ZNF90: variants seen among roughly 807,000 people sequenced by gnomAD.
ZNF90 encodes the protein zinc finger protein 90, also known as zinc finger protein HTF9.
In ZNF90, 11 loss-of-function variants were observed where a neutral mutation model predicts 12.0. The observed-to-expected ratio is 0.92, with a 90% confidence interval of 0.58 to 1.52. The LOEUF is 1.52. ZNF90 is among the 40% of genes most tolerant of loss of function. The pLI is 0.00. For synonymous variants in ZNF90, 232 were observed against 240.1 expected (o/e 0.97, Z 0.31); for missense variants, 765 against 711.5 (o/e 1.08, Z -0.86).
chr19:20,117,419 CCTTT>C lies in ZNF90; in HGVS notation c.227-358_227-355del, dbSNP rs1163713556. On this transcript the variant is annotated intron_variant, in intron 3 of 3. Transcript: ENST00000418063. ...TTTCTCCTTCCTTCCTTCCTTCCTT[CCTTT>C]CTTCCTTCCCTCCTTCCCTCCCTCC... Among the ~76,000 whole-genome samples, 632 of 147,034 alleles carry C rather than the reference CCTTT, an allele frequency of 4.3e-3. 3 individuals are homozygous for C. Among genetic ancestry groups the C allele is most frequent in the Middle Eastern group, 0.014 (4 of 294 alleles).
At chr19:20,083,127 A>G (rs1439703793) in intron 1 of ZNF90, among the ~76,000 whole-genome samples, 1 of 152,028 alleles carries the variant, frequency 6.6e-6, no homozygotes, top group African/African-American at 2.4e-5. Context: ...ATGATCAGTA[A>G]ATAACTAGGG....
intron 2 of ZNF90, 95 bp from the exon 3 acceptor site, chr19:20,105,126 A>G (rs2089023704): frequency 1.2e-6 from 1 of 831,166 alleles, no homozygotes; most frequent in Admixed American, 3.3e-5. Context: ...GGAATTTACT[A>G]GACTATTTTA....
At position 20,080,459 on chromosome 19, in the gene ZNF90, A is replaced by T. The variant is rs369570780; in HGVS notation, c.3+2324A>T. On this transcript the variant is annotated intron_variant, in intron 1 of 3. Transcript: ENST00000418063. ...TGTTGGCAGCCGGGCGCCACAACTC[A>T]TCCTTCTGCTTCTTGTGGTAGGGCT... is the stretch of plus-strand genomic sequence containing the variant. 9 of 297,910 alleles carry T rather than the reference A, an allele frequency of 3.0e-5. No homozygotes were observed. The East Asian group carries it at 4.1e-4, about 13-fold the overall frequency. The allele number at this position is 297,910 out of a possible 1,614,324, so 18.5% of individuals were successfully genotyped here. A position where few individuals can be genotyped will look rare whatever the true frequency, so the allele number is the denominator to read the frequency against.
intron 1 of ZNF90, among the ~76,000 whole-genome samples, chr19:20,094,637 G>C (rs1357990436): frequency 6.6e-6 from 1 of 152,198 alleles, no homozygotes; most frequent in East Asian, 1.9e-4. Flanking sequence ...CTGGAGGTCT[G>C]GCTCGTGAAG....
chr19:20,085,965 C>T (rs560879791), intron 1 of ZNF90, among the ~76,000 whole-genome samples: 1 of 152,008 alleles, frequency 6.6e-6, no homozygotes, highest in African/African-American at 2.4e-5. Flanking sequence ...AAGCTTAGCA[C>T]AAAGAGAATT....
At chr19:20,086,232 C>CTTTTTTTT (rs59433953) in intron 1 of ZNF90, among the ~76,000 whole-genome samples, 7 of 99,794 alleles carry the variant, frequency 7.0e-5, no homozygotes, top group Admixed American at 1.2e-4. Context: ...ATTTTCTTTT[C>CTTTTTTTT]TTTTTTTTTT....
At chr19:20,088,359 G>A (rs1392340427) in intron 1 of ZNF90, among the ~76,000 whole-genome samples, 3 of 152,094 alleles carry the variant, frequency 2.0e-5, no homozygotes, top group African/African-American at 7.2e-5. Flanking sequence ...AGAAACATTT[G>A]TCGTATAGAA....
chr19:20,092,338 T>C (rs1322409598), intron 1 of ZNF90, among the ~76,000 whole-genome samples: 1 of 152,120 alleles, frequency 6.6e-6, no homozygotes, highest in African/African-American at 2.4e-5. Flanking sequence ...CACGGAGACA[T>C]GATGGCCAGC....
chr19:20,102,456 CA>C (rs1424070926), intron 1 of ZNF90, among the ~76,000 whole-genome samples: 1 of 152,204 alleles, frequency 6.6e-6, no homozygotes, highest in African/African-American at 2.4e-5. Context: ...CAGAAAGACA[CA>C]GCAATAGGGA....
chr19:20,119,618 A>C lies in ZNF90; in HGVS notation c.*258A>C. On this transcript the variant is annotated 3_prime_UTR_variant, in exon 4 of 4. Coordinates refer to ENST00000418063, the MANE Select transcript of ZNF90 (RefSeq NM_007138.2). ...GCAGCAAAGCCTATAACAAGTTCTC[A>C]ATTCTTTTTTTTTTTTTTTAAGAAG... 5.9e-6 allele frequency: 2 copies of C among 341,776 alleles called. No individual in the cohort carries two copies. The highest frequency in any genetic ancestry group is 5.2e-6 in the Non-Finnish European group (1 of 192,296). 21.2% of individuals were successfully genotyped at this position (341,776 alleles called of 1,614,324 possible).
intron 1 of ZNF90, among the ~76,000 whole-genome samples, chr19:20,082,682 T>G (rs1056637614): frequency 1.3e-5 from 2 of 152,130 alleles, no homozygotes; most frequent in Admixed American, 1.3e-4. Flanking sequence ...TGTGCAAGGT[T>G]TTTCCCCATG....
At chr19:20,109,592 C>T (rs1191923223) in intron 3 of ZNF90, among the ~76,000 whole-genome samples, 4 of 151,826 alleles carry the variant, frequency 2.6e-5, no homozygotes, top group Non-Finnish European at 5.9e-5. Context: ...ATCACAGGGT[C>T]AGGCATGGTT....
In ZNF90 at chr19:20,110,303, G is replaced by C. The variant is rs900619567; in HGVS notation, c.226+4987G>C. 2.2e-4 allele frequency among the ~76,000 whole-genome samples: 33 copies of C among 151,940 alleles called. 1 individual carries two copies. Among genetic ancestry groups the C allele is most frequent in the Admixed American group, 1.7e-3 (26 of 15,254 alleles). On this transcript the variant is annotated intron_variant, in intron 3 of 3. Coordinates refer to ENST00000418063, the MANE Select transcript of ZNF90 (RefSeq NM_007138.2). ...GCTTTGTTTTATTTTTTTTGAGATG[G>C]AGTCTTGCTCTGTTGCCCAGGCTGG...
At chr19:20,111,535 A>C (rs1329262693) in intron 3 of ZNF90, among the ~76,000 whole-genome samples, 1 of 149,598 alleles carries the variant, frequency 6.7e-6, no homozygotes, top group Non-Finnish European at 1.5e-5. Flanking sequence ...TTCATACTTA[A>C]AATGATTGCT....
intron 1 of ZNF90, among the ~76,000 whole-genome samples, chr19:20,096,271 A>G (rs2088944669): frequency 6.6e-6 from 1 of 152,158 alleles, no homozygotes; most frequent in Non-Finnish European, 1.5e-5. Flanking sequence ...CATGGAGCAA[A>G]GAACAGAGGA....
In ZNF90 at chr19:20,118,044, A is replaced by G; in HGVS notation, c.490A>G (p.Lys164Glu). The G allele has an allele frequency of 6.2e-7, 1 of 1,612,030 alleles. No homozygotes were observed. Among genetic ancestry groups the G allele is most frequent in the Non-Finnish European group, 8.5e-7 (1 of 1,178,990 alleles). Residue 164 changes from lysine to glutamate, a missense_variant, in exon 4 of 4, where the codon AAG becomes GAG. Physicochemically the swap from Lys to Glu is moderately conservative, Grantham distance 56. Coordinates refer to ENST00000418063, the MANE Select transcript of ZNF90 (RefSeq NM_007138.2). Reference sequence around the variant, plus strand: ...TATATTTTCAAATTCAAACAGACATAAGATAAGAGATACTGGAAAAAAACC... The same window carrying G: ...TATATTTTCAAATTCAAACAGACATGAGATAAGAGATACTGGAAAAAAACC... ...SHIFSNSNRHKIRDTGKKPFK... is the reference protein window; with the variant it reads ...SHIFSNSNRHEIRDTGKKPFK...
intron 3 of ZNF90, among the ~76,000 whole-genome samples, chr19:20,109,552 A>AT (rs2089068446): frequency 6.6e-6 from 1 of 152,084 alleles, no homozygotes; most frequent in Admixed American, 6.6e-5. Flanking sequence ...ATAACATAAA[A>AT]TTTACCATCT....
chr19:20,093,842 A>T (rs1162880851), intron 1 of ZNF90, among the ~76,000 whole-genome samples: 1 of 152,004 alleles, frequency 6.6e-6, no homozygotes, highest in Admixed American at 6.6e-5. Flanking sequence ...GGCGTCCATG[A>T]TGGTCCAGGG....
chr19:20,111,677 A>G (rs1248979361), intron 3 of ZNF90, among the ~76,000 whole-genome samples: 1 of 151,772 alleles, frequency 6.6e-6, no homozygotes, highest in African/African-American at 2.4e-5. Context: ...TTGCTTTTGT[A>G]TACTTTCTAT....
Sources: gnomAD v4.1 joint callset for allele counts (sites outside exome capture counted in the v4.1 genomes callset) on GRCh38, gnomAD v4.1.1 for gene constraint, MANE v1.5 for transcripts, NCBI Gene and HGNC (gene_info 2026-07-23, HGNC 2026-07-21) for gene names.